The following ZMYM1 variants were observed in gnomAD, a reference collection of about 807,000 sequenced individuals.
The protein encoded by ZMYM1 is zinc finger MYM-type containing 1.
Under a neutral mutation model 60.0 loss-of-function variants are expected in ZMYM1, and 39 were observed. The observed-to-expected ratio is 0.65, with a 90% CI of 0.50 to 0.85. The LOEUF is 0.85. ZMYM1 is among the 40% of genes least tolerant of loss of function. The pLI is 0.00. For missense variants in ZMYM1, 1,171 were observed against 1,309.5 expected, an observed-to-expected ratio of 0.89 and a Z score of 1.63; for synonymous variants, 413 against 454.0, an observed-to-expected ratio of 0.91 and a Z score of 1.15.
intron 1 of ZMYM1, among the ~76,000 whole-genome samples, chr1:35,063,357 GAGTGC>G (rs150494030): frequency 6.6e-6 from 1 of 152,214 alleles, no homozygotes; most frequent in African/African-American, 2.4e-5. Context: ...ACCCAGGCTA[GAGTGC>G]AGTGGCATGA....
At chr1:35,107,336 G>A (rs1444622958) in intron 6 of ZMYM1, among the ~76,000 whole-genome samples, 1 of 151,408 alleles carries the variant, frequency 6.6e-6, no homozygotes, top group African/African-American at 2.4e-5. Context: ...GGGTGTGGTG[G>A]CGGGCGCCTG....
chr1:35,068,614 G>A (rs1642015693), intron 1 of ZMYM1, among the ~76,000 whole-genome samples: 1 of 147,984 alleles, frequency 6.8e-6, no homozygotes, highest in Admixed American at 6.7e-5. Flanking sequence ...AACATATGGT[G>A]TTGGAACAAC....
chr1:35,067,558 A>G (rs1641992742), intron 1 of ZMYM1, among the ~76,000 whole-genome samples: 1 of 152,116 alleles, frequency 6.6e-6, no homozygotes, highest in African/African-American at 2.4e-5. Context: ...GGGTTCACCA[A>G]AATCTCACAA....
In ZMYM1 at chr1:35,114,564, A is replaced by G. The variant is rs764639134; in HGVS notation, c.2734A>G (p.Ile912Val). 6 of 1,610,458 alleles carry G rather than the reference A, an allele frequency of 3.7e-6. No individual in the cohort carries two copies. The highest frequency in any genetic ancestry group is 3.4e-5 in the Admixed American group (2 of 59,596). Residue 912 changes from isoleucine to valine, a missense_variant, in exon 10 of 10, where the codon ATC (isoleucine) becomes GTC (valine). Transcript: ENST00000359858. ...AAGAAATGACGTATACTTTAAAACA[A>G]TCTGGGATGGAACAGAGGAAATATG... ...SERNDVYFKT[I>V]WDGTEEICQK...
chr1:35,112,108 C>T lies in ZMYM1; in HGVS notation c.1124C>T (p.Ala375Val), dbSNP rs534948276. ...VLQDTVSSVT[A>V]TADVIVDLSK... is the part of the protein sequence containing the mutation. ...ACAGATACAGTTTCTTCAGTAACAG[C>T]AACAGCAGATGTCATTGTGGATGTA... The change falls in exon 9 of 10, where the codon GCA becomes GTA. Residue 375 changes from alanine (A) to valine (V), a missense_variant. Ala to Val is a moderately conservative substitution (Grantham distance 64). Transcript: ENST00000359858. 2.5e-6 allele frequency: 4 copies of T among 1,613,488 alleles called. No homozygotes were observed. The African/African-American group carries it at 5.3e-5, about 22-fold the overall frequency.
At chr1:35,097,885 G>A (rs996806382) in intron 4 of ZMYM1, among the ~76,000 whole-genome samples, 4 of 152,186 alleles carry the variant, frequency 2.6e-5, no homozygotes, top group Non-Finnish European at 5.9e-5. Context: ...CTGACCTCAG[G>A]TGATCCGCTT....
intron 1 of ZMYM1, among the ~76,000 whole-genome samples, chr1:35,086,878 T>C (rs952298813): frequency 2.0e-5 from 3 of 151,700 alleles, no homozygotes; most frequent in African/African-American, 7.3e-5. Flanking sequence ...AGAAACAGGG[T>C]TTCACCATCT....
In ZMYM1 at chr1:35,114,671, T is replaced by C; in HGVS notation, c.2841T>C (p.Leu947=). ...KRRKIQKSVD[L]GNSDNMFFPT... ...GAAAAATTCAGAAATCAGTAGATCT[T>C]GGCAATTCAGATAATATGTTTTTTC... is the stretch of plus-strand genomic sequence containing the variant. Residue 947 remains leucine (L), a synonymous_variant, in exon 10 of 10, where the codon CTT becomes CTC. Coordinates refer to ENST00000359858, the MANE Select transcript of ZMYM1 (RefSeq NM_024772.5). 1 of 1,591,536 alleles carries C rather than the reference T, an allele frequency of 6.3e-7. No individual in the cohort carries two copies. Among genetic ancestry groups the C allele is most frequent in the South Asian group, 1.2e-5 (1 of 85,988 alleles).
chr1:35,088,434 G>GTATATATATATATATATATATATATA lies in ZMYM1; in HGVS notation c.-74-5459_-74-5458insATATATATATATATATATATATATAT, dbSNP rs58346528. 5.9e-5 allele frequency among the ~76,000 whole-genome samples: 4 copies of GTATATATATATATATATATATATATA among 68,046 alleles called. 1 individual carries two copies. The highest frequency in any genetic ancestry group is 1.3e-4 in the African/African-American group (3 of 22,338). The allele number at this position is 68,046 out of a possible 152,430, so 44.6% of individuals were successfully genotyped here. On this transcript the variant is annotated intron_variant, in intron 1 of 9. Coordinates refer to ENST00000359858, the MANE Select transcript of ZMYM1 (RefSeq NM_024772.5). ...CTCCATCTCAAAAATGTGTTTATGT[G>GTATATATATATATATATATATATATA]TATATATATATATATATATATGTGT...
chr1:35,114,706 C>T lies in ZMYM1; in HGVS notation c.2876C>T (p.Thr959Ile), dbSNP rs774522215. Residue 959 changes from threonine (T) to isoleucine (I), a missense_variant, in exon 10 of 10, where the codon ACA becomes ATA. By Grantham distance (89) the Thr-to-Ile change is moderately conservative. Transcript: ENST00000359858. The stretch of plus-strand genomic sequence containing the variant: ...GATAATATGTTTTTTCCTACTTCAA[C>T]AGAAGAACAATATAAAATTAATATC... ...NSDNMFFPTS[T>I]EEQYKINIYY... 5 of 1,577,724 alleles carry T rather than the reference C, an allele frequency of 3.2e-6. No homozygotes were observed.
intron 1 of ZMYM1, among the ~76,000 whole-genome samples, chr1:35,071,772 T>C (rs562765796): frequency 4.1e-4 from 63 of 152,356 alleles, no homozygotes; most frequent in African/African-American, 1.5e-3. Flanking sequence ...TTTGGAAGTA[T>C]TCCTTTCTTT....
Position 35,111,824 on chromosome 1 carries a change from G to A in ZMYM1, c.1014G>A (p.Lys338=), listed in dbSNP as rs1644096809. ...HDTSTELLSP[K]KDTTPVISNI... ...CTTCAACAGAGCTTCTTTCTCCAAA[G>A]AAAGATACGACTCCAGTTATAAGCA... The change falls in exon 8 of 10, where the codon AAG becomes AAA. Residue 338 remains lysine, a synonymous_variant. Coordinates refer to ENST00000359858, the MANE Select transcript of ZMYM1 (RefSeq NM_024772.5). 6.2e-7 allele frequency: 1 copy of A among 1,607,906 alleles called. No homozygotes were observed. The highest frequency in any genetic ancestry group is 8.5e-7 in the Non-Finnish European group (1 of 1,175,978).
intron 1 of ZMYM1, among the ~76,000 whole-genome samples, chr1:35,073,887 C>T (rs1380008299): frequency 6.6e-6 from 1 of 152,124 alleles, no homozygotes; most frequent in Non-Finnish European, 1.5e-5. Context: ...CTTCCGCCTC[C>T]CAGGTTCAAG....
At position 35,082,575 on chromosome 1, in the gene ZMYM1, C is replaced by T. The variant is rs183875999; in HGVS notation, c.-75+3133C>T. Reference sequence around the variant, plus strand: ...CGAACTCCTGACCTCAAGTGATCCGCCTGCCTCAGCCTCCTAAAGTGTTGG... The same window carrying T: ...CGAACTCCTGACCTCAAGTGATCCGTCTGCCTCAGCCTCCTAAAGTGTTGG... On this transcript the variant is annotated intron_variant, in intron 1 of 9. Transcript: ENST00000359858. Among the ~76,000 whole-genome samples, 702 of 151,750 alleles carry T rather than the reference C, an allele frequency of 4.6e-3. 5 individuals carry two copies. Among genetic ancestry groups the T allele is most frequent in the Non-Finnish European group, 7.6e-3 (515 of 67,906 alleles).
chr1:35,105,865 C>T (rs1643876831), intron 6 of ZMYM1, among the ~76,000 whole-genome samples: 1 of 152,182 alleles, frequency 6.6e-6, no homozygotes. Context: ...CCTTGGTCTC[C>T]TAAGGTGCTG....
chr1:35,113,620 A>C lies in ZMYM1; in HGVS notation c.1790A>C (p.Lys597Thr). The change falls in exon 10 of 10, where the codon AAA (lysine) becomes ACA (threonine). Residue 597 changes from lysine to threonine, a missense_variant. By Grantham distance (78) the Lys-to-Thr change is moderately conservative. Transcript: ENST00000359858. The stretch of plus-strand genomic sequence containing the variant: ...TTGTTAGAAATGAGAGCAAAAGATA[A>C]AGGAGAAGAAACATTTCGACTTATG... ...LELLEMRAKD[K>T]GEETFRLMNS... 3 of 1,613,492 alleles carry C rather than the reference A, an allele frequency of 1.9e-6. No individual in the cohort carries two copies. The highest frequency in any genetic ancestry group is 2.5e-6 in the Non-Finnish European group (3 of 1,179,786).
At chr1:35,099,268 A>T (rs982419195) in intron 4 of ZMYM1, among the ~76,000 whole-genome samples, 1 of 152,098 alleles carries the variant, frequency 6.6e-6, no homozygotes, top group Non-Finnish European at 1.5e-5. Flanking sequence ...TCAACCCTTC[A>T]ATACTATACT....
In ZMYM1 at chr1:35,114,227, A is replaced by C. The variant is rs750627088; in HGVS notation, c.2397A>C (p.Thr799=). 1.2e-6 allele frequency: 2 copies of C among 1,613,526 alleles called. No individual in the cohort carries two copies. The highest frequency in any genetic ancestry group is 3.3e-5 in the Admixed American group (2 of 59,944). Residue 799 remains threonine (T), a synonymous_variant, in exon 10 of 10, where the codon ACA becomes ACC. Transcript: ENST00000359858. ...RNIYRLSQNK[T]CKKHISQSCW... ...TTTATAGGCTAAGTCAAAACAAAACATGCAAGAAACATATATCACAATCAT... is the reference window on the plus strand; with the variant it reads ...TTTATAGGCTAAGTCAAAACAAAACCTGCAAGAAACATATATCACAATCAT...
intron 4 of ZMYM1, among the ~76,000 whole-genome samples, chr1:35,099,324 T>C (rs528950792): frequency 6.6e-6 from 1 of 152,292 alleles, no homozygotes; most frequent in Non-Finnish European, 1.5e-5. Context: ...TATAGTACTC[T>C]CTTCAGCCTG....
Sources: allele counts gnomAD v4.1 joint callset (sites outside exome capture counted in the v4.1 genomes callset), GRCh38; gene constraint gnomAD v4.1.1; transcripts MANE v1.5; gene names NCBI Gene and HGNC (gene_info 2026-07-23, HGNC 2026-07-21).